Variants in RTL4 observed in about 807,000 individuals in gnomAD.
RTL4 encodes the protein retrotransposon Gag-like protein 4.
In RTL4, 4 loss-of-function variants were observed where a neutral mutation model predicts 5.3. The ratio of observed to expected loss-of-function variants is 0.75; its 90% CI spans 0.37 to 1.72. The LOEUF is 1.72. RTL4 is among the 40% of genes most tolerant of loss of function. The pLI is 0.04. For synonymous variants in RTL4, 98 were observed against 87.3 expected (o/e 1.12, Z -0.68); for missense variants, 260 against 227.1 (o/e 1.14, Z -0.93).
At chrX:112,099,715 A>G in the RTL4 span, among the ~76,000 whole-genome samples, 10 of 111,415 alleles carry the variant, frequency 9.0e-5, no homozygotes, top group South Asian at 3.4e-3. Context: ...GAAAATGAAT[A>G]TGTGATCAAA....
chrX:112,295,201 G>T, the RTL4 span, among the ~76,000 whole-genome samples: 2 of 111,456 alleles, frequency 1.8e-5, no homozygotes, highest in Admixed American at 1.9e-4. Flanking sequence ...GCCACTCAGA[G>T]ACCTTGAATT....
At chrX:112,092,439 A>G in the RTL4 span, among the ~76,000 whole-genome samples, 3 of 111,275 alleles carry the variant, frequency 2.7e-5, no homozygotes, top group Non-Finnish European at 5.7e-5. Flanking sequence ...TCACTTCTAT[A>G]TGTACTTCCT....
chrX:112,103,618 T>C, the RTL4 span, among the ~76,000 whole-genome samples: 19 of 110,803 alleles, frequency 1.7e-4, no homozygotes, highest in African/African-American at 6.2e-4. Flanking sequence ...ACTTCACTTA[T>C]GAATATGGAT....
the RTL4 span, among the ~76,000 whole-genome samples, chrX:112,228,058 T>C: frequency 3.6e-5 from 4 of 111,811 alleles, no homozygotes; most frequent in Admixed American, 3.8e-4. Flanking sequence ...TATTTGGACA[T>C]GCTTGTAAGC....
the RTL4 span, among the ~76,000 whole-genome samples, chrX:112,250,720 A>G: frequency 8.9e-6 from 1 of 112,228 alleles, no homozygotes; most frequent in Non-Finnish European, 1.9e-5. Context: ...ACGTCATAAA[A>G]GAAAAATGCA....
the RTL4 span, among the ~76,000 whole-genome samples, chrX:112,350,674 C>T: frequency 9.0e-6 from 1 of 111,585 alleles, no homozygotes; most frequent in South Asian, 3.8e-4. Flanking sequence ...GTAGTATTCT[C>T]TGACGGTAGT....
chrX:112,275,186 C>CTTTT, the RTL4 span, among the ~76,000 whole-genome samples: 253 of 96,962 alleles, frequency 2.6e-3, 1 homozygote, highest in African/African-American at 9.0e-3. Flanking sequence ...TTCTTTCTTG[C>CTTTT]TTTTTTTTTT....
chrX:112,244,363 T>C, the RTL4 span, among the ~76,000 whole-genome samples: 2 of 111,941 alleles, frequency 1.8e-5, no homozygotes, highest in Admixed American at 9.5e-5. Context: ...ACTTGCTTTA[T>C]GAATCTGGGT....
the RTL4 span, among the ~76,000 whole-genome samples, chrX:112,402,560 T>G: frequency 7.2e-5 from 8 of 110,705 alleles, no homozygotes; most frequent in East Asian, 1.7e-3. Flanking sequence ...AATCCTTGAT[T>G]AGTGAGTCTG....
chrX:112,337,315 G>T, the RTL4 span, among the ~76,000 whole-genome samples: 2 of 111,455 alleles, frequency 1.8e-5, no homozygotes, highest in African/African-American at 3.3e-5. Flanking sequence ...ATGGAATCTG[G>T]CACTGTTGCC....
chrX:112,208,477 T>G, the RTL4 span, among the ~76,000 whole-genome samples: 1 of 112,211 alleles, frequency 8.9e-6, no homozygotes, highest in Admixed American at 9.4e-5. Flanking sequence ...ATAAGATCCC[T>G]GAGCTCTTTG....
chrX:112,199,543 A>G, the RTL4 span, among the ~76,000 whole-genome samples: 1 of 111,351 alleles, frequency 9.0e-6, no homozygotes, highest in African/African-American at 3.3e-5. Context: ...ACCTCATTCT[A>G]TCTCCCCTTT....
At chrX:112,375,208 A>T in the RTL4 span, among the ~76,000 whole-genome samples, 2 of 110,897 alleles carry the variant, frequency 1.8e-5, no homozygotes, top group African/African-American at 6.5e-5. Flanking sequence ...TGGTTATGCT[A>T]AGGGAGCTGG....
chrX:112,237,133 A>G, the RTL4 span, among the ~76,000 whole-genome samples: 1 of 112,040 alleles, frequency 8.9e-6, no homozygotes, highest in East Asian at 2.8e-4. Context: ...CTAATAAAGA[A>G]TTCTAGATTT....
At chrX:112,128,620 T>G in the RTL4 span, among the ~76,000 whole-genome samples, 1 of 94,526 alleles carries the variant, frequency 1.1e-5, no homozygotes, top group Non-Finnish European at 2.1e-5. Flanking sequence ...ATTTTGTCAC[T>G]GCACTCCAGC....
the RTL4 span, among the ~76,000 whole-genome samples, chrX:112,099,312 C>G: frequency 9.0e-6 from 1 of 111,554 alleles, no homozygotes; most frequent in Non-Finnish European, 1.9e-5. Flanking sequence ...TGCATTAGTG[C>G]TATAGCAGTG....
the RTL4 span, among the ~76,000 whole-genome samples, chrX:112,360,392 T>G: frequency 9.0e-6 from 1 of 110,578 alleles, no homozygotes; most frequent in Admixed American, 9.7e-5. Flanking sequence ...TATTTAGGAG[T>G]TTTAAAGTAT....
At chrX:112,374,180 A>G in the RTL4 span, among the ~76,000 whole-genome samples, 1 of 111,363 alleles carries the variant, frequency 9.0e-6, no homozygotes, top group Non-Finnish European at 1.9e-5. Context: ...AAATATATCT[A>G]GAAGTGATTT....
chrX:112,381,462 A>T, the RTL4 span: 1 of 1,207,121 alleles, frequency 8.3e-7, no homozygotes, highest in Non-Finnish European at 1.1e-6. Context: ...GAATCCAGGG[A>T]GCTACACCGA....
Sources: allele counts gnomAD v4.1 joint callset (sites outside exome capture counted in the v4.1 genomes callset), GRCh38; gene constraint gnomAD v4.1.1; transcripts MANE v1.5; gene names NCBI Gene and HGNC (gene_info 2026-07-23, HGNC 2026-07-21).